ZNF106: variants seen among roughly 807,000 people sequenced by gnomAD.
ZNF106 encodes zinc finger protein 106.
Under a neutral mutation model 195.1 loss-of-function variants are expected in ZNF106, and 67 were observed. That is an observed-to-expected ratio of 0.34 (90% CI 0.28 to 0.42). The LOEUF is 0.42. Ranked by LOEUF, ZNF106 falls within the 10% of genes least tolerant of loss-of-function variation. The probability of loss-of-function intolerance (pLI) is 1.00; values close to 1 mark genes in which losing one functional copy is unlikely to be tolerated. For missense variants in ZNF106, 2,118 were observed against 2,304.5 expected, an observed-to-expected ratio of 0.92 and a Z score of 1.66; for synonymous variants, 784 against 818.6, an observed-to-expected ratio of 0.96 and a Z score of 0.72.
chr15:42,475,603 T>C (rs1424494093), intron 1 of ZNF106, among the ~76,000 whole-genome samples: 1 of 152,232 alleles, frequency 6.6e-6, no homozygotes, highest in Non-Finnish European at 1.5e-5. Context: ...TTACTAATAA[T>C]CTCTTAAATC....
chr15:42,424,912 T>G lies in ZNF106; in HGVS notation c.5112A>C (p.Thr1704=). The change falls in exon 16 of 22, where the codon ACA becomes ACC. Residue 1704 remains threonine (T), a synonymous_variant. Transcript: ENST00000564754. ...KLLVVGSYDC[T]ISVRDARNGL... Reference sequence around the variant, plus strand: ...CATTCCGGGCATCGCGTACACTAATTGTGCAGTCATAAGACCCCACGACCA... The same window carrying G: ...CATTCCGGGCATCGCGTACACTAATGGTGCAGTCATAAGACCCCACGACCA... The G allele has an allele frequency of 1.9e-6, 3 of 1,614,210 alleles. No homozygotes were observed. Among genetic ancestry groups the G allele is most frequent in the Non-Finnish European group, 2.5e-6 (3 of 1,180,048 alleles).
intron 16 of ZNF106, chr15:42,424,329 G>A: frequency 2.5e-6 from 1 of 407,190 alleles, no homozygotes; most frequent in Admixed American, 4.0e-5. Context: ...TATACCCACA[G>A]TATAACAAAA....
At chr15:42,465,491 G>A (rs939135167) in intron 3 of ZNF106, among the ~76,000 whole-genome samples, 7 of 151,712 alleles carry the variant, frequency 4.6e-5, no homozygotes, top group Non-Finnish European at 8.8e-5. Flanking sequence ...TGCCCAGGCT[G>A]GTCTCAAACT....
intron 11 of ZNF106, 34 bp from the exon 12 acceptor site, chr15:42,438,701 T>C: frequency 1.2e-6 from 2 of 1,600,648 alleles, no homozygotes; most frequent in Non-Finnish European, 1.7e-6. Context: ...TCTCAGCATC[T>C]GTGTGAACAG....
At chr15:42,424,758 A>G (rs2054793039) in intron 16 of ZNF106, 76 bp downstream of exon 16, 1 of 1,459,792 alleles carries the variant, frequency 6.9e-7, no homozygotes. Flanking sequence ...GGGACTACAG[A>G]CGTGAGCCAC....
intron 4 of ZNF106, among the ~76,000 whole-genome samples, chr15:42,453,699 G>A (rs953484178): frequency 4.0e-5 from 6 of 151,506 alleles, no homozygotes; most frequent in African/African-American, 1.5e-4. Flanking sequence ...GAGTTCAAGC[G>A]ATTCTCCTGC....
intron 16 of ZNF106, 109 bp downstream of exon 16, chr15:42,424,725 C>G: frequency 1.8e-6 from 2 of 1,139,104 alleles, no homozygotes; most frequent in South Asian, 3.4e-5. Flanking sequence ...AGCGATCCCC[C>G]TGCCTCACCC....
At chr15:42,427,384 G>C (rs1380149460) in intron 15 of ZNF106, among the ~76,000 whole-genome samples, 1 of 152,020 alleles carries the variant, frequency 6.6e-6, no homozygotes, top group African/African-American at 2.4e-5. Context: ...CTTATCCTGG[G>C]GCCTAGCACA....
In ZNF106 at chr15:42,451,859, T is replaced by C. The variant is rs1046197865; in HGVS notation, c.413A>G (p.Glu138Gly). The change falls in exon 5 of 22, where the codon GAG (glutamate) becomes GGG (glycine). Residue 138 changes from glutamate to glycine, a missense_variant. Coordinates refer to ENST00000564754, the MANE Select transcript of ZNF106 (RefSeq NM_001366845.3). ...ATGCCATGCAGGCTGACTGTAACTCTCTCTGTCTTGGTAAGGAATTCGGTC... is the reference window on the plus strand; with the variant it reads ...ATGCCATGCAGGCTGACTGTAACTCCCTCTGTCTTGGTAAGGAATTCGGTC... Reference protein sequence around the residue: ...REDRIPYQDRESYSQPAWHHR... With the variant: ...REDRIPYQDRGSYSQPAWHHR... The C allele has an allele frequency of 2.5e-6, 4 of 1,614,224 alleles. No homozygotes were observed. The highest frequency in any genetic ancestry group is 3.3e-4 in the Middle Eastern group (2 of 6,062).
In ZNF106 at chr15:42,472,230, T is replaced by C; in HGVS notation, c.54+6A>G. On this transcript the variant is annotated splice_donor_region_variant and intron_variant, in intron 2 of 21. Transcript: ENST00000564754. The stretch of plus-strand genomic sequence containing the variant: ...AAGCCTCAGATTCTCCCTCTTCCAT[T>C]ATTACCTTTTTTGAGCTGTACACGA... 1 of 1,534,748 alleles carries C rather than the reference T, an allele frequency of 6.5e-7. No individual in the cohort carries two copies. The highest frequency in any genetic ancestry group is 8.7e-7 in the Non-Finnish European group (1 of 1,146,222).
chr15:42,468,826 A>C (rs766309991), intron 2 of ZNF106, among the ~76,000 whole-genome samples: 3 of 152,166 alleles, frequency 2.0e-5, no homozygotes, highest in Admixed American at 6.6e-5. Flanking sequence ...CGCTAACTAA[A>C]ATTAACACTT....
At chr15:42,487,402 G>T (rs1434392897) in intron 1 of ZNF106, among the ~76,000 whole-genome samples, 1 of 143,410 alleles carries the variant, frequency 7.0e-6, no homozygotes, top group Admixed American at 7.2e-5. Flanking sequence ...GTGGGAAGAG[G>T]ATTGCTGGGG....
At chr15:42,454,409 T>C (rs1484844971) in intron 4 of ZNF106, among the ~76,000 whole-genome samples, 1 of 152,112 alleles carries the variant, frequency 6.6e-6, no homozygotes, top group Non-Finnish European at 1.5e-5. Flanking sequence ...TCAGCTATAC[T>C]GATATGATCA....
Position 42,413,551 on chromosome 15 carries a change from A to G in ZNF106, c.*3753T>C, listed in dbSNP as rs2054340337. On this transcript the variant is annotated 3_prime_UTR_variant, in exon 22 of 22. Coordinates refer to ENST00000564754, the MANE Select transcript of ZNF106 (RefSeq NM_001366845.3). The stretch of plus-strand genomic sequence containing the variant: ...CCTCCAATGAATTCTCTTCCATAAA[A>G]TAAACCATTCCACTAAGTATATACC... 6.6e-6 allele frequency: 1 copy of G among 152,656 alleles called. No individual in the cohort carries two copies. Among genetic ancestry groups the G allele is most frequent in the East Asian group, 1.9e-4 (1 of 5,200 alleles). 9.5% of individuals were successfully genotyped at this position (152,656 alleles called of 1,614,324 possible).
chr15:42,436,255 T>G (rs1471296250), intron 13 of ZNF106, among the ~76,000 whole-genome samples: 2 of 152,112 alleles, frequency 1.3e-5, no homozygotes. Flanking sequence ...GCCCGGCCAC[T>G]GGTGGTGTTT....
Position 42,456,906 on chromosome 15 carries a change from C to T in ZNF106, c.317+52G>A, listed in dbSNP as rs200725945. 183 of 1,499,388 alleles carry T rather than the reference C, an allele frequency of 1.2e-4. No homozygotes were observed. In the East Asian group the frequency reaches 3.4e-3, roughly 28 times the overall value. 92.9% of individuals were successfully genotyped at this position (1,499,388 alleles called of 1,614,324 possible). ...CCAGTACAAAGATATAAAATATATT[C>T]TCTGCTGTGTTCTGTTATAGATAGG... On this transcript the variant is annotated intron_variant, in intron 4 of 21. Transcript: ENST00000564754.
chr15:42,430,194 C>G (rs990220542), intron 14 of ZNF106, among the ~76,000 whole-genome samples: 1 of 152,030 alleles, frequency 6.6e-6, no homozygotes, highest in Non-Finnish European at 1.5e-5. Flanking sequence ...AAAGACTACA[C>G]GTTAGAACCC....
Position 42,451,323 on chromosome 15 carries a change from A to C in ZNF106, c.949T>G (p.Tyr317Asp). The change falls in exon 5 of 22, where the codon TAT (tyrosine) becomes GAT (aspartate). Residue 317 changes from tyrosine (Y) to aspartate (D), a missense_variant. Transcript: ENST00000564754. ...ENDKLGTVAT[Y>D]RGPSEGFTSD... ...GTAAATCCTTCAGAAGGACCTCTAT[A>C]TGTGGCAACTGTACCAAGTTTGTCA... 6.2e-7 allele frequency: 1 copy of C among 1,614,048 alleles called. No individual in the cohort carries two copies. Among genetic ancestry groups the C allele is most frequent in the Non-Finnish European group, 8.5e-7 (1 of 1,179,920 alleles).
intron 3 of ZNF106, 74 bp downstream of exon 3, chr15:42,465,979 A>C: frequency 7.9e-7 from 1 of 1,263,328 alleles, no homozygotes; most frequent in Non-Finnish European, 1.1e-6. Context: ...TTACTGCAAA[A>C]CAAACTGACA....
Sources: gnomAD v4.1 joint callset for allele counts (sites outside exome capture counted in the v4.1 genomes callset) on GRCh38, gnomAD v4.1.1 for gene constraint, MANE v1.5 for transcripts, NCBI Gene and HGNC (gene_info 2026-07-23, HGNC 2026-07-21) for gene names.